The following CTDP1 variants were observed in gnomAD, a reference collection of about 807,000 sequenced individuals.
The protein encoded by CTDP1 is CTD phosphatase 1, also known as RNA polymerase II subunit A C-terminal domain phosphatase.
In CTDP1, 47 loss-of-function variants were observed where a neutral mutation model predicts 91.8. The ratio of observed to expected loss-of-function variants is 0.51; its 90% confidence interval spans 0.41 to 0.65. CTDP1 has a LOEUF of 0.65. Among genes scored for constraint, CTDP1 ranks in the 30% least tolerant of loss-of-function variants. CTDP1 has a pLI of 0.00. For synonymous variants in CTDP1, 656 were observed against 598.5 expected, an observed-to-expected ratio of 1.10 and a Z score of -1.40; for missense variants, 1,272 against 1,373.7, an observed-to-expected ratio of 0.93 and a Z score of 1.17.
chr18:79,744,332 G>A (rs1049670476), intron 12 of CTDP1, among the ~76,000 whole-genome samples: 1 of 152,250 alleles, frequency 6.6e-6, no homozygotes, highest in Admixed American at 6.5e-5. Flanking sequence ...TTTAAGTTAA[G>A]TGAGACCTGA....
intron 7 of CTDP1, 144 bp from the exon 8 acceptor site, chr18:79,714,347 G>C: frequency 1.1e-6 from 1 of 895,052 alleles, no homozygotes; most frequent in Non-Finnish European, 1.8e-6. Context: ...ACCCTGTCCG[G>C]CCTCTTCACA....
At chr18:79,749,735 G>T (rs12607836) in intron 12 of CTDP1, 75,694 of 151,972 alleles carry the variant, frequency 0.5, 18,995 homozygotes, top group East Asian at 0.57. Context: ...CACCCCTCAC[G>T]GCAGCACCTT....
chr18:79,709,031 A>G (rs1289064830), intron 5 of CTDP1, among the ~76,000 whole-genome samples: 2 of 152,280 alleles, frequency 1.3e-5, no homozygotes, highest in Non-Finnish European at 2.9e-5. Flanking sequence ...AGCCACTTGT[A>G]TGATGAGTAG....
chr18:79,678,990 G>T, upstream of CTDP1: 1 of 225,836 alleles, frequency 4.4e-6, no homozygotes, highest in Non-Finnish European at 9.0e-6. Context: ...CCGCCCGCCC[G>T]CCAGCTTAAT....
intron 1 of CTDP1, among the ~76,000 whole-genome samples, chr18:79,681,806 T>C (rs1393151941): frequency 6.6e-6 from 1 of 152,162 alleles, no homozygotes; most frequent in Non-Finnish European, 1.5e-5. Flanking sequence ...CTCCAGTCCA[T>C]GGGCGGCAGG....
chr18:79,737,869 A>T (rs541868305), intron 12 of CTDP1, among the ~76,000 whole-genome samples: 37 of 152,334 alleles, frequency 2.4e-4, no homozygotes, highest in African/African-American at 8.4e-4. Context: ...CAAATAGAAT[A>T]GGACACGGTG....
In CTDP1 at chr18:79,724,050, T is replaced by G. The variant is rs577843621; in HGVS notation, c.2418-4857T>G. Among the ~76,000 whole-genome samples, 4 of 152,356 alleles carry G rather than the reference T, an allele frequency of 2.6e-5. No homozygotes were observed. The East Asian group carries it at 7.7e-4, about 29-fold the overall frequency. Reference sequence around the variant, plus strand: ...CTTTGCTCTAAATGTTTGCACAGGTTGAGCCTCTCATCCGAAAATCCAAAA... The same window carrying G: ...CTTTGCTCTAAATGTTTGCACAGGTGGAGCCTCTCATCCGAAAATCCAAAA... On this transcript the variant is annotated intron_variant, in intron 10 of 12. Coordinates refer to ENST00000613122, the MANE Select transcript of CTDP1 (RefSeq NM_004715.5).
At chr18:79,747,271 C>T (rs2086900563) in intron 12 of CTDP1, among the ~76,000 whole-genome samples, 1 of 152,126 alleles carries the variant, frequency 6.6e-6, no homozygotes, top group Non-Finnish European at 1.5e-5. Flanking sequence ...TGGGAAGGGC[C>T]CCTGCCCCTC....
chr18:79,744,221 A>C (rs890991902), intron 12 of CTDP1, among the ~76,000 whole-genome samples: 4 of 152,176 alleles, frequency 2.6e-5, no homozygotes, highest in Admixed American at 2.6e-4. Flanking sequence ...TCTCCCTAAA[A>C]TGTGTAAAAC....
intron 5 of CTDP1, among the ~76,000 whole-genome samples, chr18:79,708,598 A>G (rs1411365278): frequency 6.6e-6 from 1 of 152,200 alleles, no homozygotes; most frequent in African/African-American, 2.4e-5. Flanking sequence ...AAGTCTTGAG[A>G]GAATGTGGGC....
intron 10 of CTDP1, among the ~76,000 whole-genome samples, chr18:79,718,668 A>G (rs912994697): frequency 6.6e-6 from 1 of 151,830 alleles, no homozygotes; most frequent in African/African-American, 2.4e-5. Flanking sequence ...GCCCCTGGAG[A>G]CCCCATGTAA....
intron 1 of CTDP1, among the ~76,000 whole-genome samples, chr18:79,693,884 C>T (rs1442965234): frequency 6.8e-6 from 1 of 147,784 alleles, no homozygotes; most frequent in African/African-American, 2.7e-5. Context: ...GCTACAGACC[C>T]GCCCCTCCGC....
intron 12 of CTDP1, among the ~76,000 whole-genome samples, chr18:79,744,758 G>T (rs536663474): frequency 6.6e-6 from 1 of 152,168 alleles, no homozygotes; most frequent in African/African-American, 2.4e-5. Flanking sequence ...AGGGAGAGGC[G>T]GCCATGGCGA....
At chr18:79,681,346 A>G (rs2085363174) in intron 1 of CTDP1, 1 of 590,714 alleles carries the variant, frequency 1.7e-6, no homozygotes, top group Non-Finnish European at 2.1e-6. Flanking sequence ...TGCCTCCCAG[A>G]AAATGCCTTC....
chr18:79,736,755 G>A (rs1443477316), intron 12 of CTDP1, among the ~76,000 whole-genome samples: 1 of 145,258 alleles, frequency 6.9e-6, no homozygotes, highest in African/African-American at 2.5e-5. Flanking sequence ...TGTGGGGGGG[G>A]ATCTGTACAT....
Position 79,714,900 on chromosome 18 carries a change from GAA to G in CTDP1, c.1443_1444del (p.Gly483ProfsTer46). On this transcript the variant is annotated frameshift_variant, in exon 8 of 13. Transcript: ENST00000613122. LOFTEE classifies it high-confidence loss of function. Reference sequence around the variant, plus strand: ...CCGCCTCTGATGGCGAAAGCGAGGGGAAAAGAGGCCGGCAGAAGCCGAAGGCT... The same window carrying G: ...CCGCCTCTGATGGCGAAAGCGAGGGGAAGAGGCCGGCAGAAGCCGAAGGCT... ...SSASDGESEGKRGRQKPKAAP... is the reference protein window; with the variant it reads ...SSASDGESEGXRGRQKPKAAP... 6.4e-7 allele frequency: 1 copy of G among 1,572,178 alleles called. No individual in the cohort carries two copies. The highest frequency in any genetic ancestry group is 8.6e-7 in the Non-Finnish European group (1 of 1,159,032).
chr18:79,730,484 G>A (rs909738714), intron 11 of CTDP1, among the ~76,000 whole-genome samples: 1 of 152,248 alleles, frequency 6.6e-6, no homozygotes, highest in Admixed American at 6.5e-5. Flanking sequence ...TTCTCAATGG[G>A]AGACAGATGT....
Position 79,713,101 on chromosome 18 carries a change from G to C in CTDP1, c.993G>C (p.Ala331=), listed in dbSNP as rs761534995. The C allele has an allele frequency of 6.2e-7, 1 of 1,613,958 alleles. No homozygotes were observed. Among genetic ancestry groups the C allele is most frequent in the Admixed American group, 1.7e-5 (1 of 60,004 alleles). ...VYFQGTGDMN[A]PPGSRESQTR... Reference sequence around the variant, plus strand: ...TCCAGGGCACGGGTGATATGAATGCGCCCCCTGGGTCCCGAGAATCTCAGA... The same window carrying C: ...TCCAGGGCACGGGTGATATGAATGCCCCCCCTGGGTCCCGAGAATCTCAGA... Residue 331 remains alanine, a synonymous_variant, in exon 7 of 13, where the codon GCG becomes GCC. Transcript: ENST00000613122. This position sits in a 1 kb window ranked among gnomAD's most constrained non-coding sequence, Gnocchi z 4.7.
At chr18:79,704,954 G>A in intron 5 of CTDP1, 37 bp downstream of exon 5, 1 of 1,610,942 alleles carries the variant, frequency 6.2e-7, no homozygotes, top group Non-Finnish European at 8.5e-7. Flanking sequence ...CGTGTGAACA[G>A]TGGGTTTCTT....
Sources: allele counts gnomAD v4.1 joint callset (sites outside exome capture counted in the v4.1 genomes callset), GRCh38; gene constraint gnomAD v4.1.1; non-coding constraint Gnocchi (gnomAD v3.1); transcripts MANE v1.5; gene names NCBI Gene and HGNC (gene_info 2026-07-23, HGNC 2026-07-21).